The following CFAP92 variants were observed in gnomAD, a reference collection of about 807,000 sequenced individuals.
The protein encoded by CFAP92 is uncharacterized protein CFAP92.
A neutral mutation model predicts 106.3 loss-of-function variants in CFAP92; 86 were observed. The observed-to-expected ratio is 0.81, with a 90% CI of 0.68 to 0.97. The LOEUF (loss-of-function observed/expected upper bound fraction) is 0.97, where lower values mean the gene tolerates loss of function less well. Ranked by LOEUF, CFAP92 falls within the 50% of genes least tolerant of loss-of-function variation. The pLI is 0.00. For synonymous variants in CFAP92, 477 were observed against 506.4 expected (o/e 0.94, Z 0.78); for missense variants, 1,204 against 1,283.8 (o/e 0.94, Z 0.95).
intron 10 of CFAP92, among the ~76,000 whole-genome samples, chr3:128,941,961 A>G (rs1939678191): frequency 6.6e-6 from 1 of 152,174 alleles, no homozygotes; most frequent in South Asian, 2.1e-4. Flanking sequence ...ACTGGGTTCA[A>G]TGAGCATGCT....
chr3:128,999,731 G>C (rs1944629869), intron 1 of CFAP92, among the ~76,000 whole-genome samples: 2 of 151,568 alleles, frequency 1.3e-5, no homozygotes, highest in African/African-American at 2.4e-5. Flanking sequence ...GTAGAGATGG[G>C]GGTGGTTCAC....
chr3:128,911,346 C>G (rs1936291235), intron 15 of CFAP92, among the ~76,000 whole-genome samples: 1 of 152,142 alleles, frequency 6.6e-6, no homozygotes, highest in South Asian at 2.1e-4. Context: ...GCATGAGCCA[C>G]CGCACCGGGC....
At chr3:128,994,849 G>A (rs1402424151), upstream of CFAP92, among the ~76,000 whole-genome samples, 1 of 152,200 alleles carries the variant, frequency 6.6e-6, no homozygotes, top group Non-Finnish European at 1.5e-5. Context: ...AAATCTGGGG[G>A]GTGACTAGGC....
At chr3:128,910,950 GT>G (rs918896959) in intron 15 of CFAP92, 12 of 1,068,630 alleles carry the variant, frequency 1.1e-5, no homozygotes, top group Middle Eastern at 2.8e-4. Flanking sequence ...GAGGGCCTGG[GT>G]AGGCCTGGGC....
chr3:128,948,647 A>G (rs925709867), intron 9 of CFAP92, among the ~76,000 whole-genome samples: 2 of 151,136 alleles, frequency 1.3e-5, no homozygotes, highest in African/African-American at 4.9e-5. Context: ...CTCCTGCCTC[A>G]GCCTCCTGAG....
At chr3:128,921,619 G>T (rs1452782966) in intron 12 of CFAP92, among the ~76,000 whole-genome samples, 1 of 152,194 alleles carries the variant, frequency 6.6e-6, no homozygotes, top group Non-Finnish European at 1.5e-5. Flanking sequence ...AAGGAATGTA[G>T]AAAAGGAAAT....
intron 12 of CFAP92, among the ~76,000 whole-genome samples, chr3:128,924,116 G>A (rs534509564): frequency 2.6e-5 from 4 of 152,280 alleles, no homozygotes; most frequent in Middle Eastern, 3.4e-3. Flanking sequence ...AAGAAAAGGG[G>A]GCATGTTGGG....
intron 1 of CFAP92, chr3:129,001,689 C>A: frequency 6.7e-7 from 1 of 1,487,728 alleles, no homozygotes; most frequent in Admixed American, 2.2e-5. Context: ...TGACCCGTAC[C>A]GGCGACCTGC....
At chr3:128,962,312 G>GCCTT (rs1559902746) in intron 9 of CFAP92, among the ~76,000 whole-genome samples, 1 of 151,986 alleles carries the variant, frequency 6.6e-6, no homozygotes. Flanking sequence ...TCTTTTCAAG[G>GCCTT]GCCTGTTTCC....
At chr3:128,963,612 C>T (rs1942125176) in intron 9 of CFAP92, among the ~76,000 whole-genome samples, 1 of 151,070 alleles carries the variant, frequency 6.6e-6, no homozygotes. Context: ...CTGATATTCA[C>T]CCCATTTCCC....
At chr3:128,937,277 C>A (rs1207084467) in intron 10 of CFAP92, among the ~76,000 whole-genome samples, 2 of 148,010 alleles carry the variant, frequency 1.4e-5, no homozygotes, top group East Asian at 4.0e-4. Context: ...AGCCTTTGTA[C>A]CACTCAGCCT....
At chr3:129,015,654 T>C in the CFAP92 span, among the ~76,000 whole-genome samples, 1 of 151,614 alleles carries the variant, frequency 6.6e-6, no homozygotes, top group African/African-American at 2.4e-5. Context: ...CGCCATCCCC[T>C]GCTCAGTAAA....
rs200705007 is a variant in CFAP92 at position 128,987,653 on chromosome 3, G to A, written c.630C>T (p.Ala210=). The A allele has an allele frequency of 4.2e-5, 68 of 1,613,742 alleles. No individual in the cohort carries two copies. The highest frequency in any genetic ancestry group is 1.6e-4 in the Middle Eastern group (1 of 6,084). Reference sequence around the variant, plus strand: ...AAGCTCCCACGTCGTCTGTGAAGCCGGCAGTCTTTAATCGGTAATATCTGA... The same window carrying A: ...AAGCTCCCACGTCGTCTGTGAAGCCAGCAGTCTTTAATCGGTAATATCTGA... ...RKVRYYRLKT[A]GFTDDVGAFH... The change falls in exon 4 of 16, where the codon GCC becomes GCT. Residue 210 remains alanine (A), a synonymous_variant. Coordinates refer to ENST00000645291, the MANE Select transcript of CFAP92 (RefSeq NM_001394090.1).
At chr3:128,986,002 T>C (rs1187972780) in intron 4 of CFAP92, among the ~76,000 whole-genome samples, 1 of 152,154 alleles carries the variant, frequency 6.6e-6, no homozygotes, top group Non-Finnish European at 1.5e-5. Flanking sequence ...AGGAATTATC[T>C]GGCCCAAAAT....
upstream of CFAP92, chr3:129,003,730 G>A: frequency 1.6e-6 from 2 of 1,277,424 alleles, no homozygotes; most frequent in Non-Finnish European, 2.0e-6. Flanking sequence ...CGTCGTGGCG[G>A]GCGTTCGTCT....
chr3:128,978,933 A>C (rs1447992860), intron 4 of CFAP92, among the ~76,000 whole-genome samples: 5 of 152,264 alleles, frequency 3.3e-5, no homozygotes, highest in Admixed American at 1.3e-4. Context: ...AACAATGGTA[A>C]CAAAAGCCAA....
In CFAP92 at chr3:128,910,434, C is replaced by T. The variant is rs139199002; in HGVS notation, c.3281-101G>A. On this transcript the variant is annotated intron_variant, in intron 15 of 15. Coordinates refer to ENST00000645291, the MANE Select transcript of CFAP92 (RefSeq NM_001394090.1). ...CATTGCCCGCTGTGCTGGAGGGAGG[C>T]GGGTGCAGTCTCTGAGGACCCACTG... is the stretch of plus-strand genomic sequence containing the variant. 8.5e-3 allele frequency: 10,351 copies of T among 1,219,988 alleles called. 69 individuals are homozygous for T. The highest frequency in any genetic ancestry group is 0.01 in the Non-Finnish European group (9,327 of 897,670). The allele number at this position is 1,219,988 out of a possible 1,614,324, so 75.6% of individuals were successfully genotyped here.
chr3:128,934,142 T>C (rs75824035), intron 11 of CFAP92, among the ~76,000 whole-genome samples: 58,091 of 151,594 alleles, frequency 0.38, 12,585 homozygotes, highest in African/African-American at 0.59. Flanking sequence ...GTGTTCTTTA[T>C]GTCATCTCTG....
intron 11 of CFAP92, 51 bp from the exon 12 acceptor site, chr3:128,933,048 G>C: frequency 1.3e-6 from 2 of 1,487,654 alleles, no homozygotes; most frequent in Non-Finnish European, 1.8e-6. Flanking sequence ...TTGCAAGACA[G>C]GTGTAATCAC....
Sources: gnomAD v4.1 joint callset for allele counts (sites outside exome capture counted in the v4.1 genomes callset) on GRCh38, gnomAD v4.1.1 for gene constraint, MANE v1.5 for transcripts, NCBI Gene and HGNC (gene_info 2026-07-23, HGNC 2026-07-21) for gene names.